The following ELAPOR2 variants were observed in gnomAD, a reference collection of about 807,000 sequenced individuals.
ELAPOR2 encodes the protein endosome-lysosome associated apoptosis and autophagy regulator family member 2.
ELAPOR2 carries 89 observed loss-of-function variants against 120.7 expected under a neutral mutation model. The observed-to-expected ratio is 0.74, with a 90% CI of 0.62 to 0.88. The LOEUF (loss-of-function observed/expected upper bound fraction) is 0.88, where lower values mean the gene tolerates loss of function less well. Ranked by LOEUF, ELAPOR2 falls within the 40% of genes least tolerant of loss-of-function variation. The probability of loss-of-function intolerance (pLI) is 0.00; values close to 1 mark genes in which losing one functional copy is unlikely to be tolerated. For synonymous variants in ELAPOR2, 444 were observed against 444.9 expected, an observed-to-expected ratio of 1.00 and a Z score of 0.03; for missense variants, 1,134 against 1,251.6, an observed-to-expected ratio of 0.91 and a Z score of 1.42.
chr7:87,001,271 C>T (rs982144807), intron 1 of ELAPOR2, among the ~76,000 whole-genome samples: 4 of 152,116 alleles, frequency 2.6e-5, no homozygotes, highest in African/African-American at 9.7e-5. Flanking sequence ...GCCAAAAGTA[C>T]TGTGAAAAGC....
chr7:86,985,260 A>G (rs4415252), intron 1 of ELAPOR2, among the ~76,000 whole-genome samples: 57,518 of 151,980 alleles, frequency 0.38, 11,733 homozygotes, highest in African/African-American at 0.53. Flanking sequence ...TTCTACCAGA[A>G]GTACAAAGAG....
intron 1 of ELAPOR2, among the ~76,000 whole-genome samples, chr7:87,041,227 G>C (rs1794775388): frequency 1.3e-5 from 2 of 152,030 alleles, no homozygotes; most frequent in Admixed American, 6.5e-5. Flanking sequence ...AATCTAGCAA[G>C]GCAGGCCAAC....
intron 1 of ELAPOR2, among the ~76,000 whole-genome samples, chr7:87,041,014 C>A (rs1477494597): frequency 6.6e-6 from 1 of 151,466 alleles, no homozygotes; most frequent in African/African-American, 2.4e-5. Context: ...AGGGTATCAG[C>A]GATGGAAGAT....
chr7:86,943,453 T>C (rs370944431), intron 4 of ELAPOR2, among the ~76,000 whole-genome samples: 24 of 152,170 alleles, frequency 1.6e-4, no homozygotes, highest in African/African-American at 5.5e-4. Context: ...ACCATTAGTA[T>C]GATGACCATG....
intron 1 of ELAPOR2, among the ~76,000 whole-genome samples, chr7:87,013,408 T>C (rs1330377947): frequency 3.3e-5 from 5 of 152,176 alleles, no homozygotes; most frequent in Admixed American, 3.3e-4. Flanking sequence ...CAAAAAGCTA[T>C]TCTTAATCAT....
intron 4 of ELAPOR2, among the ~76,000 whole-genome samples, chr7:86,944,062 A>C (rs185388351): frequency 4.6e-5 from 7 of 152,212 alleles, no homozygotes; most frequent in Admixed American, 4.6e-4. Flanking sequence ...TCCCATTTCC[A>C]ACAATACAAA....
chr7:87,017,758 A>G (rs1391084303), intron 1 of ELAPOR2, among the ~76,000 whole-genome samples: 1 of 151,886 alleles, frequency 6.6e-6, no homozygotes, highest in Non-Finnish European at 1.5e-5. Flanking sequence ...TCGTCTCTCC[A>G]AAAAATACAA....
chr7:87,023,820 T>G (rs940359453), intron 1 of ELAPOR2, among the ~76,000 whole-genome samples: 2 of 152,198 alleles, frequency 1.3e-5, no homozygotes, highest in Admixed American at 6.5e-5. Context: ...TTATTTGCTT[T>G]GAAGCAATTG....
intron 18 of ELAPOR2, among the ~76,000 whole-genome samples, chr7:86,906,998 C>T (rs985771019): frequency 2.6e-5 from 4 of 152,042 alleles, no homozygotes; most frequent in African/African-American, 9.7e-5. Context: ...TTAAAGCAGT[C>T]TGTATTTAAG....
chr7:86,927,008 G>A (rs774793244), intron 8 of ELAPOR2, 92 bp from the exon 9 acceptor site: 1 of 1,224,446 alleles, frequency 8.2e-7, no homozygotes, highest in Non-Finnish European at 1.1e-6. Flanking sequence ...AAGTACAAAT[G>A]GTGACAGAAT....
rs149187710 is a variant in ELAPOR2 at position 87,037,885 on chromosome 7, C to T, written c.189+21440G>A. On this transcript the variant is annotated intron_variant, in intron 1 of 21. Coordinates refer to ENST00000450689, the MANE Select transcript of ELAPOR2 (RefSeq NM_001142749.3). Reference sequence around the variant, plus strand: ...TAAATCCTTCCAAACTCAGCTGAAACATCACTTGCTCTGACACCAGAGTTT... The same window carrying T: ...TAAATCCTTCCAAACTCAGCTGAAATATCACTTGCTCTGACACCAGAGTTT... 2.7e-3 allele frequency among the ~76,000 whole-genome samples: 411 copies of T among 152,310 alleles called. 1 individual carries two copies. Among genetic ancestry groups the T allele is most frequent in the African/African-American group, 9.5e-3 (396 of 41,574 alleles).
In ELAPOR2 at chr7:87,059,481, G is replaced by A; in HGVS notation, c.33C>T (p.Gly11=). ...CCTCCGCCGGCCGCCCCCAGCCCCTGCCCCGTACCGGCCCCCGGGCGCGGA... is the reference window on the plus strand; with the variant it reads ...CCTCCGCCGGCCGCCCCCAGCCCCTACCCCGTACCGGCCCCCGGGCGCGGA... MLFRARGPVR[G]RGWGRPAEAP... The change falls in exon 1 of 22, where the codon GGC becomes GGT. Residue 11 remains glycine (G), a synonymous_variant. Transcript: ENST00000450689. The A allele has an allele frequency of 8.2e-7, 1 of 1,212,470 alleles. No homozygotes were observed. The allele number at this position is 1,212,470 out of a possible 1,614,324, so 75.1% of individuals were successfully genotyped here. A position where few individuals can be genotyped will look rare whatever the true frequency, so the allele number is the denominator to read the frequency against.
chr7:86,998,036 A>G (rs998382673), intron 1 of ELAPOR2, among the ~76,000 whole-genome samples: 1 of 152,202 alleles, frequency 6.6e-6, no homozygotes, highest in African/African-American at 2.4e-5. Flanking sequence ...AAAAGATTAA[A>G]TTATCACTAA....
chr7:87,010,084 T>C (rs1312143228), intron 1 of ELAPOR2, among the ~76,000 whole-genome samples: 4 of 152,234 alleles, frequency 2.6e-5, no homozygotes, highest in African/African-American at 4.8e-5. Context: ...TGCCTGTGGC[T>C]ATTGTCAAAC....
chr7:87,048,459 G>T (rs1047098601), intron 1 of ELAPOR2, among the ~76,000 whole-genome samples: 6 of 152,196 alleles, frequency 3.9e-5, no homozygotes, highest in African/African-American at 1.2e-4. Flanking sequence ...GAGATTAGAA[G>T]AACAGTTACC....
intron 18 of ELAPOR2, among the ~76,000 whole-genome samples, chr7:86,904,107 G>C (rs542791665): frequency 6.6e-6 from 1 of 152,156 alleles, no homozygotes; most frequent in Non-Finnish European, 1.5e-5. Flanking sequence ...ACAACCTGGC[G>C]CATCAGTGTT....
At chr7:86,946,312 A>T (rs1791007134) in intron 3 of ELAPOR2, among the ~76,000 whole-genome samples, 1 of 152,186 alleles carries the variant, frequency 6.6e-6, no homozygotes, top group Non-Finnish European at 1.5e-5. Context: ...CAATGATATA[A>T]CCATTTTGAA....
chr7:86,937,990 C>A, intron 8 of ELAPOR2, 136 bp downstream of exon 8: 1 of 635,442 alleles, frequency 1.6e-6, no homozygotes, highest in Non-Finnish European at 2.7e-6. Context: ...AGACTTCAAA[C>A]CCTAAACTCT....
chr7:86,951,864 G>A (rs1432820424), intron 2 of ELAPOR2, among the ~76,000 whole-genome samples: 1 of 152,198 alleles, frequency 6.6e-6, no homozygotes, highest in Admixed American at 6.5e-5. Flanking sequence ...TATAACTCAT[G>A]CCTGAATAAA....
Sources: allele counts gnomAD v4.1 joint callset (sites outside exome capture counted in the v4.1 genomes callset), GRCh38; gene constraint gnomAD v4.1.1; transcripts MANE v1.5; gene names NCBI Gene and HGNC (gene_info 2026-07-23, HGNC 2026-07-21).